The following AXDND1 variants were observed in gnomAD, a reference collection of about 807,000 sequenced individuals.
AXDND1 encodes axonemal dynein light chain domain-containing protein 1.
Under a neutral mutation model 137.5 loss-of-function variants are expected in AXDND1, and 110 were observed. The observed-to-expected ratio is 0.80, with a 90% CI of 0.69 to 0.94. The LOEUF is 0.94. Among genes scored for constraint, AXDND1 ranks in the 40% least tolerant of loss-of-function variants. AXDND1 has a pLI of 0.00. For missense variants in AXDND1, 1,191 were observed against 1,169.8 expected (o/e 1.02, Z -0.26); for synonymous variants, 414 against 399.7 (o/e 1.04, Z -0.43).
intron 16 of AXDND1, chr1:179,456,538 C>A: frequency 1.3e-6 from 1 of 777,568 alleles, no homozygotes; most frequent in Non-Finnish European, 2.4e-6. Flanking sequence ...CCAACACTTC[C>A]ATAGCCTCTG....
intron 18 of AXDND1, among the ~76,000 whole-genome samples, chr1:179,488,700 C>CTT (rs1666474306): frequency 2.0e-5 from 2 of 98,240 alleles, no homozygotes; most frequent in Non-Finnish European, 4.1e-5. Context: ...TCTTTCTTTC[C>CTT]TCTCTCTGTC....
At chr1:179,456,088 T>G in intron 16 of AXDND1, 1 of 492,442 alleles carries the variant, frequency 2.0e-6, no homozygotes, top group South Asian at 1.6e-5. Context: ...TCATCAGTAT[T>G]TGTCTAAAAT....
intron 16 of AXDND1, among the ~76,000 whole-genome samples, chr1:179,465,928 G>A (rs1026144571): frequency 3.3e-5 from 5 of 152,196 alleles, no homozygotes; most frequent in Admixed American, 1.3e-4. Context: ...AGCCAGGCGC[G>A]GGATATAATC....
chr1:179,437,069 G>GA (rs35702478), intron 15 of AXDND1, among the ~76,000 whole-genome samples: 33,822 of 100,412 alleles, frequency 0.34, 5,164 homozygotes, highest in Non-Finnish European at 0.38. Flanking sequence ...GACACTCACT[G>GA]AAAAAAAAAA....
chr1:179,435,504 T>C (rs1658015790), intron 15 of AXDND1, among the ~76,000 whole-genome samples: 1 of 151,906 alleles, frequency 6.6e-6, no homozygotes, highest in African/African-American at 2.4e-5. Flanking sequence ...TATAGACCAA[T>C]GGAATAAAAC....
chr1:179,511,172 A>C (rs1171754529), intron 21 of AXDND1, among the ~76,000 whole-genome samples: 1 of 148,822 alleles, frequency 6.7e-6, no homozygotes, highest in East Asian at 2.0e-4. Flanking sequence ...GTCCCCCACA[A>C]AAAAAAAAAG....
chr1:179,379,895 T>C (rs990217936), intron 6 of AXDND1, among the ~76,000 whole-genome samples: 2 of 151,766 alleles, frequency 1.3e-5, no homozygotes, highest in Non-Finnish European at 2.9e-5. Flanking sequence ...CTCATATTCC[T>C]GAGCAATATA....
rs1239637824 is a variant in AXDND1, at chr1:179,520,170, A to G, written c.2497-5164A>G. On this transcript the variant is annotated intron_variant, in intron 21 of 25. Coordinates refer to ENST00000367618, the MANE Select transcript of AXDND1 (RefSeq NM_144696.6). ...AATTGTGAATGGGAGTTCATTTGTG[A>G]TTTGGCTCTTGGCTTGACTATTGTT... Among the ~76,000 whole-genome samples, 4 of 151,976 alleles carry G rather than the reference A, an allele frequency of 2.6e-5. No homozygotes were observed. In the East Asian group the frequency reaches 7.7e-4, roughly 29 times the overall value.
Position 179,546,894 on chromosome 1 carries a change from T to G in AXDND1, c.3032-7618T>G, listed in dbSNP as rs528208407. On this transcript the variant is annotated intron_variant, in intron 25 of 25. Coordinates refer to ENST00000367618, the MANE Select transcript of AXDND1 (RefSeq NM_144696.6). ...GAGAGATCTGGTCCCACTCTCACAA[T>G]TGGTCTCACTGACTTGACTATGGTC... is the stretch of plus-strand genomic sequence containing the variant. Among the ~76,000 whole-genome samples the G allele has an allele frequency of 2.2e-4, 34 of 152,312 alleles. No individual in the cohort carries two copies. The South Asian group carries it at 7.0e-3, about 32-fold the overall frequency.
At chr1:179,536,853 G>A (rs552937030) in intron 25 of AXDND1, among the ~76,000 whole-genome samples, 25 of 152,314 alleles carry the variant, frequency 1.6e-4, no homozygotes, top group South Asian at 2.1e-4. Context: ...AGCATGGAAT[G>A]TTCTTCCATT....
chr1:179,516,806 C>A (rs1455081091), intron 21 of AXDND1, among the ~76,000 whole-genome samples: 2 of 152,170 alleles, frequency 1.3e-5, no homozygotes, highest in African/African-American at 2.4e-5. Flanking sequence ...GTGATGTGAA[C>A]CGTCTATGGC....
At chr1:179,419,181 C>T (rs1295056854) in intron 12 of AXDND1, among the ~76,000 whole-genome samples, 1 of 150,208 alleles carries the variant, frequency 6.7e-6, no homozygotes, top group Non-Finnish European at 1.5e-5. Flanking sequence ...GATGGGCGGC[C>T]AGGCAGAGAG....
At chr1:179,386,050 CTTTTTTTTTTTT>C (rs71111980) in intron 9 of AXDND1, among the ~76,000 whole-genome samples, 3 of 102,426 alleles carry the variant, frequency 2.9e-5, no homozygotes, top group South Asian at 3.3e-4. Context: ...GGATTTTTTC[CTTTTTTTTTTTT>C]TTTTTTTTTG....
At chr1:179,454,076 G>C (rs1429062225) in intron 16 of AXDND1, 3 of 152,208 alleles carry the variant, frequency 2.0e-5, no homozygotes, top group Admixed American at 2.0e-4. Flanking sequence ...TGTTGGGAAG[G>C]CATGGTTGGT....
intron 16 of AXDND1, chr1:179,457,382 A>AG: frequency 2.4e-6 from 1 of 423,528 alleles, no homozygotes. Context: ...GGCGGCGTCC[A>AG]GGGGCAGAAA....
At position 179,502,843 on chromosome 1, in the gene AXDND1, C is replaced by G. The variant is rs189155664; in HGVS notation, c.2389-6453C>G. On this transcript the variant is annotated intron_variant, in intron 20 of 25. Transcript: ENST00000367618. ...AGGCGTGGTGGCTCACACCTGTAAT[C>G]CCAGCACTTTGGGAGGCTGAGACGG... is the stretch of plus-strand genomic sequence containing the variant. Among the ~76,000 whole-genome samples the G allele has an allele frequency of 4.0e-3, 611 of 151,974 alleles. 5 individuals are homozygous for G. The highest frequency in any genetic ancestry group is 0.014 in the African/African-American group (589 of 41,436).
At chr1:179,418,589 C>A (rs1655071638) in intron 12 of AXDND1, among the ~76,000 whole-genome samples, 1 of 151,782 alleles carries the variant, frequency 6.6e-6, no homozygotes, top group African/African-American at 2.4e-5. Flanking sequence ...CCCCTCACCT[C>A]CCGGACGGGG....
intron 24 of AXDND1, 160 bp from the exon 25 acceptor site, chr1:179,534,570 G>T: frequency 1.2e-6 from 1 of 829,598 alleles, no homozygotes; most frequent in Non-Finnish European, 1.7e-6. Context: ...GTCGCTCCTG[G>T]GCCCCCAGTT....
At chr1:179,536,955 T>A (rs970337123) in intron 25 of AXDND1, among the ~76,000 whole-genome samples, 2 of 152,244 alleles carry the variant, frequency 1.3e-5, no homozygotes, top group African/African-American at 4.8e-5. Flanking sequence ...TTCCTAGGTA[T>A]TTTATTCTCT....
Sources: gnomAD v4.1 joint callset for allele counts (sites outside exome capture counted in the v4.1 genomes callset) on GRCh38, gnomAD v4.1.1 for gene constraint, MANE v1.5 for transcripts, NCBI Gene and HGNC (gene_info 2026-07-23, HGNC 2026-07-21) for gene names.